TMEM245: variants seen among roughly 807,000 people sequenced by gnomAD.
TMEM245 encodes the protein transmembrane protein 245, also known as protein CG-2.
In TMEM245, 69 loss-of-function variants were observed where a neutral mutation model predicts 101.2. The observed-to-expected ratio is 0.68, with a 90% CI of 0.56 to 0.83. The LOEUF is 0.83. TMEM245 is among the 40% of genes least tolerant of loss of function. TMEM245 has a pLI of 0.00. For missense variants in TMEM245, 1,075 were observed against 1,092.8 expected (o/e 0.98, Z 0.23); for synonymous variants, 537 against 449.8 (o/e 1.19, Z -2.45).
At chr9:109,114,494 G>A (rs1830656317) in intron 1 of TMEM245, among the ~76,000 whole-genome samples, 1 of 137,446 alleles carries the variant, frequency 7.3e-6, no homozygotes, top group Admixed American at 7.1e-5. Context: ...ATGTCCCAGA[G>A]GAGGGCCCTG....
intron 14 of TMEM245, among the ~76,000 whole-genome samples, chr9:109,046,967 A>G (rs1390644904): frequency 6.6e-6 from 1 of 152,216 alleles, no homozygotes; most frequent in African/African-American, 2.4e-5. Context: ...TAAGTCTTGA[A>G]TTTGAGCCAG....
intron 9 of TMEM245, among the ~76,000 whole-genome samples, chr9:109,070,808 A>C (rs920003104): frequency 6.6e-6 from 1 of 152,198 alleles, no homozygotes; most frequent in Non-Finnish European, 1.5e-5. Flanking sequence ...ATTAGTCTGC[A>C]TTTCCTAGAA....
rs181662200 is a variant in TMEM245 at position 109,090,451 on chromosome 9, G to A, written c.1150+471C>T. Among the ~76,000 whole-genome samples, 88 of 151,572 alleles carry A rather than the reference G, an allele frequency of 5.8e-4. No homozygotes were observed. In the East Asian group the frequency reaches 0.015, roughly 26 times the overall value. Reference sequence around the variant, plus strand: ...TAAAAGTGAAATACTGGCCGGGCGCGGTGGCTCACACCTATAATCCCAGCA... The same window carrying A: ...TAAAAGTGAAATACTGGCCGGGCGCAGTGGCTCACACCTATAATCCCAGCA... On this transcript the variant is annotated intron_variant, in intron 5 of 17. Transcript: ENST00000374586.
chr9:109,051,373 G>T (rs1828680046), intron 12 of TMEM245, among the ~76,000 whole-genome samples: 1 of 149,874 alleles, frequency 6.7e-6, no homozygotes. Flanking sequence ...CGCAAGCAGA[G>T]AAAAAATATA....
intron 10 of TMEM245, among the ~76,000 whole-genome samples, chr9:109,061,150 T>C (rs1172912305): frequency 6.6e-6 from 1 of 152,116 alleles, no homozygotes; most frequent in Non-Finnish European, 1.5e-5. Flanking sequence ...ACCCCATCTT[T>C]ACAAAAATAC....
chr9:109,048,768 T>C (rs1410938580), intron 14 of TMEM245, among the ~76,000 whole-genome samples: 3 of 152,174 alleles, frequency 2.0e-5, no homozygotes, highest in Non-Finnish European at 4.4e-5. Context: ...GCCAACGACC[T>C]GGAAAGAGCT....
At chr9:109,077,766 A>G (rs935023696) in intron 8 of TMEM245, among the ~76,000 whole-genome samples, 1 of 152,204 alleles carries the variant, frequency 6.6e-6, no homozygotes. Flanking sequence ...TGCACAGTGT[A>G]TGTTTTTTAA....
chr9:109,085,045 T>C (rs1039051574), intron 7 of TMEM245, among the ~76,000 whole-genome samples: 1 of 152,248 alleles, frequency 6.6e-6, no homozygotes, highest in Non-Finnish European at 1.5e-5. Flanking sequence ...ATAGTTTTAT[T>C]ATGTTTAAAC....
intron 10 of TMEM245, among the ~76,000 whole-genome samples, chr9:109,062,820 A>C (rs1292056869): frequency 6.6e-6 from 1 of 152,130 alleles, no homozygotes; most frequent in Non-Finnish European, 1.5e-5. Flanking sequence ...AAACAGAAAA[A>C]TTGGCAGGGC....
chr9:109,027,659 AG>A (rs1471636268), intron 17 of TMEM245, among the ~76,000 whole-genome samples: 1 of 151,578 alleles, frequency 6.6e-6, no homozygotes, highest in African/African-American at 2.4e-5. Flanking sequence ...AATCCACCAC[AG>A]CTTCTGAGTG....
At chr9:109,104,315 C>T (rs1400106149) in intron 3 of TMEM245, among the ~76,000 whole-genome samples, 1 of 151,808 alleles carries the variant, frequency 6.6e-6, no homozygotes, top group African/African-American at 2.4e-5. Context: ...AATATATACA[C>T]CTACTATGTA....
Position 109,091,165 on chromosome 9 carries a change from A to C in TMEM245, c.917-10T>G, listed in dbSNP as rs368382342. Reference sequence around the variant, plus strand: ...CCCCTGTCCACTGCTTCTGAAAAGGAAAAGAAAAACACCACACACCGCATT... The same window carrying C: ...CCCCTGTCCACTGCTTCTGAAAAGGCAAAGAAAAACACCACACACCGCATT... On this transcript the variant is annotated splice_polypyrimidine_tract_variant and intron_variant, in intron 4 of 17. Coordinates refer to ENST00000374586, the MANE Select transcript of TMEM245 (RefSeq NM_032012.4). 8 of 1,611,066 alleles carry C rather than the reference A, an allele frequency of 5.0e-6. No individual in the cohort carries two copies. The highest frequency in any genetic ancestry group is 6.8e-6 in the Non-Finnish European group (8 of 1,178,154).
At chr9:109,048,102 A>G (rs1828554431) in intron 14 of TMEM245, among the ~76,000 whole-genome samples, 1 of 152,234 alleles carries the variant, frequency 6.6e-6, no homozygotes, top group African/African-American at 2.4e-5. Context: ...AATTGCTGTT[A>G]CACTGGATAA....
rs12002695 is a variant in TMEM245 at position 109,082,784 on chromosome 9, T to C, written c.1345-1841A>G. Among the ~76,000 whole-genome samples the C allele has an allele frequency of 5.4e-3, 829 of 152,216 alleles. 13 individuals carry two copies. Among genetic ancestry groups the C allele is most frequent in the African/African-American group, 0.019 (792 of 41,528 alleles). Reference sequence around the variant, plus strand: ...CAAAAACATATTAGGTACATTAACATTACAATATCCAATTTTTTAGTTTTA... The same window carrying C: ...CAAAAACATATTAGGTACATTAACACTACAATATCCAATTTTTTAGTTTTA... On this transcript the variant is annotated intron_variant, in intron 7 of 17. Transcript: ENST00000374586.
intron 7 of TMEM245, among the ~76,000 whole-genome samples, chr9:109,082,063 G>T (rs1324370325): frequency 6.6e-6 from 1 of 152,134 alleles, no homozygotes; most frequent in Non-Finnish European, 1.5e-5. Flanking sequence ...TCTTAATTTA[G>T]ATCTGATTTA....
Position 109,020,460 on chromosome 9 carries a change from T to A in TMEM245, c.2640A>T (p.Ter880CysextTer31). ...ISEDLKSSVG[*>C] ...AAAAATCACTGCAGAGGAAACCACA[T>A]CAACCTACTGAAGATTTCAGATCTT... The change falls in exon 18 of 18, where the codon TGA becomes TGT. Residue 880 changes from the stop codon to cysteine, a stop_lost. Coordinates refer to ENST00000374586, the MANE Select transcript of TMEM245 (RefSeq NM_032012.4). The A allele has an allele frequency of 6.2e-7, 1 of 1,614,000 alleles. No homozygotes were observed. Among genetic ancestry groups the A allele is most frequent in the Non-Finnish European group, 8.5e-7 (1 of 1,179,918 alleles).
chr9:109,083,429 A>G (rs1359689569), intron 7 of TMEM245, among the ~76,000 whole-genome samples: 1 of 152,208 alleles, frequency 6.6e-6, no homozygotes, highest in Non-Finnish European at 1.5e-5. Context: ...AAATGTCCCC[A>G]ATCTTTCCAT....
At chr9:109,078,315 G>A (rs1210487750) in intron 8 of TMEM245, among the ~76,000 whole-genome samples, 1 of 151,992 alleles carries the variant, frequency 6.6e-6, no homozygotes. Context: ...AAGAAGACAG[G>A]GGAAAATATA....
At chr9:109,111,059 G>A (rs923230644) in intron 1 of TMEM245, among the ~76,000 whole-genome samples, 7 of 152,008 alleles carry the variant, frequency 4.6e-5, no homozygotes, top group African/African-American at 1.7e-4. Context: ...TAATATAAAT[G>A]TAGCTAGGGG....
Sources: allele counts gnomAD v4.1 joint callset (sites outside exome capture counted in the v4.1 genomes callset), GRCh38; gene constraint gnomAD v4.1.1; transcripts MANE v1.5; gene names NCBI Gene and HGNC (gene_info 2026-07-23, HGNC 2026-07-21).